The following JAKMIP3 variants were observed in gnomAD, a reference collection of about 807,000 sequenced individuals.
JAKMIP3 encodes Janus kinase and microtubule interacting protein 3.
JAKMIP3 carries 58 observed loss-of-function variants against 118.5 expected under a neutral mutation model. The ratio of observed to expected loss-of-function variants is 0.49; its 90% CI spans 0.40 to 0.61. The LOEUF is 0.61. Among genes scored for constraint, JAKMIP3 ranks in the 20% least tolerant of loss-of-function variants. The probability of loss-of-function intolerance (pLI) is 0.00; values close to 1 mark genes in which losing one functional copy is unlikely to be tolerated. For missense variants in JAKMIP3, 950 were observed against 1,109.0 expected, an observed-to-expected ratio of 0.86 and a Z score of 2.04; for synonymous variants, 486 against 451.2, an observed-to-expected ratio of 1.08 and a Z score of -0.98.
chr10:132,167,572 G>A (rs1338504192), intron 22 of JAKMIP3, among the ~76,000 whole-genome samples: 1 of 152,166 alleles, frequency 6.6e-6, no homozygotes, highest in Non-Finnish European at 1.5e-5. Context: ...TGCTACCATG[G>A]CACCCGCCAG....
intron 20 of JAKMIP3, among the ~76,000 whole-genome samples, chr10:132,163,829 C>T (rs924306498): frequency 5.9e-5 from 9 of 152,330 alleles, no homozygotes; most frequent in South Asian, 2.1e-4. Flanking sequence ...CTGTCTTTTC[C>T]GTGACACTGT....
intron 19 of JAKMIP3, among the ~76,000 whole-genome samples, chr10:132,161,080 G>A (rs1352881355): frequency 1.9e-5 from 2 of 102,598 alleles, no homozygotes; most frequent in African/African-American, 3.7e-5. Context: ...ATGCTGGGGG[G>A]GCCTCTTCCT....
chr10:132,146,131 C>A (rs1231204572), intron 13 of JAKMIP3, among the ~76,000 whole-genome samples: 2 of 132,846 alleles, frequency 1.5e-5, no homozygotes, highest in Non-Finnish European at 3.3e-5. Flanking sequence ...GCTGCCCCGC[C>A]CCCACCCCCA....
At chr10:132,169,355 G>C (rs1289547541) in intron 23 of JAKMIP3, among the ~76,000 whole-genome samples, 1 of 152,166 alleles carries the variant, frequency 6.6e-6, no homozygotes, top group Non-Finnish European at 1.5e-5. Flanking sequence ...GTGCAATGAG[G>C]CCGCTCTCCG....
intron 1 of JAKMIP3, among the ~76,000 whole-genome samples, chr10:132,083,246 A>G (rs2042002531): frequency 6.6e-6 from 1 of 152,080 alleles, no homozygotes; most frequent in Non-Finnish European, 1.5e-5. Context: ...GTGAGGTGGT[A>G]TTGCATTGTG....
Position 132,148,066 on chromosome 10 carries a change from G to A in JAKMIP3, c.1848+16G>A, listed in dbSNP as rs377708907. ...GGAGCTTGAGGTAGCTGAGTGGATG[G>A]CCAGCACTGTGGCCTGTGGCTGTGT... On this transcript the variant is annotated intron_variant, in intron 14 of 23. Coordinates refer to ENST00000684848, the MANE Select transcript of JAKMIP3 (RefSeq NM_001323087.2). 10 of 1,547,946 alleles carry A rather than the reference G, an allele frequency of 6.5e-6. No individual in the cohort carries two copies. Among genetic ancestry groups the A allele is most frequent in the Non-Finnish European group, 8.9e-6 (10 of 1,128,734 alleles).
rs998385731 is a variant in JAKMIP3 at position 132,162,373 on chromosome 10, C to T, written c.2221-836C>T. The stretch of plus-strand genomic sequence containing the variant: ...AAGCCACCATGAGGTTAATTCCAAG[C>T]CAGCACTTGACCAGGTTTATTTTTA... On this transcript the variant is annotated intron_variant, in intron 19 of 23. Transcript: ENST00000684848. Among the ~76,000 whole-genome samples, 4 of 152,362 alleles carry T rather than the reference C, an allele frequency of 2.6e-5. No homozygotes were observed. The East Asian group carries it at 7.7e-4, about 29-fold the overall frequency.
chr10:132,167,883 C>CGCCCCTT (rs2059112708), intron 22 of JAKMIP3, 70 bp from the exon 23 acceptor site: 1 of 1,183,132 alleles, frequency 8.5e-7, no homozygotes. Context: ...CCTCGCCCCT[C>CGCCCCTT]GGCCCTCGCC....
chr10:132,173,021 CT>C (rs2059694617), intron 23 of JAKMIP3, among the ~76,000 whole-genome samples: 1 of 26,148 alleles, frequency 3.8e-5, no homozygotes, highest in Non-Finnish European at 7.9e-5. Flanking sequence ...CTCTCCCTCT[CT>C]CTCTCCTTCC....
At chr10:132,152,194 C>CG (rs2136196746) in intron 16 of JAKMIP3, among the ~76,000 whole-genome samples, 1 of 152,328 alleles carries the variant, frequency 6.6e-6, no homozygotes, top group African/African-American at 2.4e-5. Context: ...CTGACTCCCC[C>CG]CTGTGGGAGA....
chr10:132,047,565 C>T (rs2037953742), intron 1 of JAKMIP3, among the ~76,000 whole-genome samples: 1 of 152,250 alleles, frequency 6.6e-6, no homozygotes, highest in South Asian at 2.1e-4. Flanking sequence ...CATCATCACC[C>T]AAGCCACACA....
At chr10:132,180,578 T>TGTGC (rs2060793418) in intron 23 of JAKMIP3, among the ~76,000 whole-genome samples, 1 of 23,820 alleles carries the variant, frequency 4.2e-5, no homozygotes, top group African/African-American at 1.9e-4. Flanking sequence ...CGTGTGTGTG[T>TGTGC]GCGTGCGCGT....
intron 20 of JAKMIP3, among the ~76,000 whole-genome samples, chr10:132,163,953 A>C (rs559289300): frequency 1.3e-3 from 194 of 152,300 alleles, no homozygotes; most frequent in Non-Finnish European, 1.4e-3. Context: ...GGAGGTGAGA[A>C]GCCCTGCTGA....
At chr10:132,167,095 C>T in intron 22 of JAKMIP3, 40 bp downstream of exon 22, 1 of 1,406,948 alleles carries the variant, frequency 7.1e-7, no homozygotes, top group Non-Finnish European at 9.8e-7. Flanking sequence ...GGGTCCCGCT[C>T]TGCTTCCCGG....
intron 1 of JAKMIP3, among the ~76,000 whole-genome samples, chr10:132,054,136 G>A (rs973027336): frequency 3.3e-5 from 5 of 152,040 alleles, no homozygotes; most frequent in African/African-American, 1.2e-4. Flanking sequence ...AATGGCCAAG[G>A]ATGGACCAGG....
rs5789117 is a variant in JAKMIP3 at position 132,142,065 on chromosome 10, C to CCG, written c.1602+22_1602+23dup. ...GAAGTTAAGGTCTACGTGACTTCCA[C>CCG]CGCGCGTTCCGGCCCCCCTCGTGCC... On this transcript the variant is annotated intron_variant, in intron 11 of 23. Coordinates refer to ENST00000684848, the MANE Select transcript of JAKMIP3 (RefSeq NM_001323087.2). 1,464,371 of 1,588,046 alleles carry CCG rather than the reference C, an allele frequency of 0.92. 678,993 individuals are homozygous for CCG. Among genetic ancestry groups the CCG allele is most frequent in the Non-Finnish European group, 0.95 (1,112,031 of 1,168,806 alleles).
intron 4 of JAKMIP3, 102 bp downstream of exon 4, chr10:132,133,629 C>G: frequency 8.9e-7 from 1 of 1,118,108 alleles, no homozygotes; most frequent in Non-Finnish European, 1.3e-6. Flanking sequence ...AGACCAGAGC[C>G]CGAGTTGAGG....
chr10:132,110,081 G>C (rs532991765), intron 2 of JAKMIP3, among the ~76,000 whole-genome samples: 4 of 152,202 alleles, frequency 2.6e-5, no homozygotes, highest in South Asian at 2.1e-4. Flanking sequence ...AAGCACCCGT[G>C]GGGGAGAATC....
intron 3 of JAKMIP3, among the ~76,000 whole-genome samples, chr10:132,125,337 C>G (rs7087791): frequency 0.61 from 92,393 of 152,244 alleles, 28,520 homozygotes; most frequent in African/African-American, 0.67. Flanking sequence ...ACCGTCCTTT[C>G]CCCCTGAACT....
Sources: gnomAD v4.1 joint callset for allele counts (sites outside exome capture counted in the v4.1 genomes callset) on GRCh38, gnomAD v4.1.1 for gene constraint, MANE v1.5 for transcripts, NCBI Gene and HGNC (gene_info 2026-07-23, HGNC 2026-07-21) for gene names.